Variants in SNX17 observed in about 807,000 individuals in gnomAD.
SNX17 encodes sorting nexin-17.
A neutral mutation model predicts 64.3 loss-of-function variants in SNX17; 35 were observed. The observed-to-expected ratio is 0.54, with a 90% CI of 0.42 to 0.72. SNX17 has a LOEUF of 0.72. Among genes scored for constraint, SNX17 ranks in the 30% least tolerant of loss-of-function variants. The pLI is 0.00. For missense variants in SNX17, 538 were observed against 610.0 expected (o/e 0.88, Z 1.24); for synonymous variants, 259 against 230.2 (o/e 1.13, Z -1.13).
rs4665973 is a variant in SNX17 at position 27,375,288 on chromosome 2, G to A, written c.774+135G>A. 0.12 allele frequency: 110,732 copies of A among 906,050 alleles called. 8,848 individuals are homozygous for A. The highest frequency in any genetic ancestry group is 0.35 in the Admixed American group (14,813 of 42,542). 56.1% of individuals were successfully genotyped at this position (906,050 alleles called of 1,614,324 possible). A position where few individuals can be genotyped will look rare whatever the true frequency, so the allele number is the denominator to read the frequency against. On this transcript the variant is annotated intron_variant, in intron 9 of 14. Transcript: ENST00000233575. This position sits in a 1 kb window ranked among gnomAD's most constrained non-coding sequence, Gnocchi z 4.1. The stretch of plus-strand genomic sequence containing the variant: ...CGAGTAGCTGGGACTACAGGCACCC[G>A]CCACGACGCCCGGCTAATTTTTTGT...
At chr2:27,374,496 A>G in intron 7 of SNX17, 63 bp downstream of exon 7, 1 of 1,448,038 alleles carries the variant, frequency 6.9e-7, no homozygotes, top group Non-Finnish European at 9.7e-7. Context: ...TTATTGGGCC[A>G]CATATTGAGA....
At chr2:27,373,528 C>G (rs6547589) in intron 4 of SNX17, 2 of 552,018 alleles carry the variant, frequency 3.6e-6, no homozygotes, top group African/African-American at 1.9e-5. Context: ...ATGTCCGGCT[C>G]ATTTTTGTAT....
rs1572640763 is a variant in SNX17 at position 27,375,498 on chromosome 2, T to C, written c.775-8T>C. 6.2e-7 allele frequency: 1 copy of C among 1,613,862 alleles called. No homozygotes were observed. Among genetic ancestry groups the C allele is most frequent in the Non-Finnish European group, 8.5e-7 (1 of 1,179,980 alleles). On this transcript the variant is annotated splice_polypyrimidine_tract_variant and splice_region_variant and intron_variant, in intron 9 of 14. Transcript: ENST00000233575. This position sits in a 1 kb window ranked among gnomAD's most constrained non-coding sequence, Gnocchi z 4.1. ...CTAATCTACCCCCATGTGATGACCA[T>C]TTTTCAGTTCCTGAGACTGGCCCAG...
rs1264641465 is a variant in SNX17, at chr2:27,370,824, C to G, written c.63+18C>G. On this transcript the variant is annotated intron_variant, in intron 1 of 14. Transcript: ENST00000233575. Reference sequence around the variant, plus strand: ...CCTACGTGGTGAGGAGCGGCCGGAGCCGAGCCGGGCCGGGCAGGGGCGGGG... The same window carrying G: ...CCTACGTGGTGAGGAGCGGCCGGAGGCGAGCCGGGCCGGGCAGGGGCGGGG... 4 of 1,537,460 alleles carry G rather than the reference C, an allele frequency of 2.6e-6. No individual in the cohort carries two copies. Among genetic ancestry groups the G allele is most frequent in the Non-Finnish European group, 3.5e-6 (4 of 1,144,618 alleles).
chr2:27,371,893 T>C (rs376749529), intron 2 of SNX17, among the ~76,000 whole-genome samples: 26 of 151,802 alleles, frequency 1.7e-4, no homozygotes, highest in South Asian at 1.4e-3. Flanking sequence ...TTACCTGATA[T>C]CTTTTTTTGG....
Position 27,376,298 on chromosome 2 carries a change from T to C in SNX17, c.1183-15T>C. The C allele has an allele frequency of 1.9e-6, 3 of 1,611,746 alleles. No homozygotes were observed. The highest frequency in any genetic ancestry group is 2.5e-6 in the Non-Finnish European group (3 of 1,178,316). On this transcript the variant is annotated splice_polypyrimidine_tract_variant and intron_variant, in intron 12 of 14. Coordinates refer to ENST00000233575, the MANE Select transcript of SNX17 (RefSeq NM_014748.4). ...AGTGATCCTGCCCTCACCGGCACCT[T>C]GTGTCTGTCCCCAGATGCTGCGCCG...
In SNX17 at chr2:27,376,770, T is replaced by C; in HGVS notation, c.*51T>C. On this transcript the variant is annotated 3_prime_UTR_variant, in exon 15 of 15. Coordinates refer to ENST00000233575, the MANE Select transcript of SNX17 (RefSeq NM_014748.4). ...CTACCCCAGAGGAATTTACAGAAAC[T>C]TGCCCTGTGCCTGTGTCCCCCATGC... is the stretch of plus-strand genomic sequence containing the variant. 1 of 1,506,122 alleles carries C rather than the reference T, an allele frequency of 6.6e-7. No individual in the cohort carries two copies. The highest frequency in any genetic ancestry group is 1.1e-5 in the South Asian group (1 of 87,724). 93.3% of individuals were successfully genotyped at this position (1,506,122 alleles called of 1,614,324 possible). A position where few individuals can be genotyped will look rare whatever the true frequency, so the allele number is the denominator to read the frequency against.
At position 27,374,434 on chromosome 2, in the gene SNX17, G is replaced by C; in HGVS notation, c.611+1G>C. On this transcript the variant is annotated splice_donor_variant, in intron 7 of 14. Transcript: ENST00000233575. LOFTEE classifies it high-confidence loss of function. The stretch of plus-strand genomic sequence containing the variant: ...AGTATAAGATTGTGCTAAGGAAGAG[G>C]TCAGGGCTGGGCCTGGAAGGGGAGG... 6.2e-7 allele frequency: 1 copy of C among 1,613,440 alleles called. No individual in the cohort carries two copies. The highest frequency in any genetic ancestry group is 8.5e-7 in the Non-Finnish European group (1 of 1,179,500).
Position 27,374,671 on chromosome 2 carries a change from C to T in SNX17, c.612-18C>T. On this transcript the variant is annotated intron_variant, in intron 7 of 14. Coordinates refer to ENST00000233575, the MANE Select transcript of SNX17 (RefSeq NM_014748.4). The stretch of plus-strand genomic sequence containing the variant: ...CCAGCTTAGCCCCATTACCCCTTTC[C>T]ACCCCTTGGCCTCACAGTTATTGGG... The T allele has an allele frequency of 6.2e-7, 1 of 1,613,692 alleles. No individual in the cohort carries two copies. Among genetic ancestry groups the T allele is most frequent in the Non-Finnish European group, 8.5e-7 (1 of 1,179,630 alleles).
Position 27,377,195 on chromosome 2 carries a change from G to C in SNX17, c.*476G>C. ...CATGGACTACTATGCTAAGGGTAAG[G>C]CCAAATTGCCTGCCATTGCCAATTC... On this transcript the variant is annotated 3_prime_UTR_variant, in exon 15 of 15. Coordinates refer to ENST00000233575, the MANE Select transcript of SNX17 (RefSeq NM_014748.4). This position sits in a 1 kb window ranked among gnomAD's most constrained non-coding sequence, Gnocchi z 4.4. The C allele has an allele frequency of 2.1e-6, 1 of 473,952 alleles. No individual in the cohort carries two copies. The highest frequency in any genetic ancestry group is 3.9e-6 in the Non-Finnish European group (1 of 256,758). The allele number at this position is 473,952 out of a possible 1,614,324, so 29.4% of individuals were successfully genotyped here.
At position 27,375,003 on chromosome 2, in the gene SNX17, G is replaced by C; in HGVS notation, c.682-58G>C. 4.7e-6 allele frequency: 7 copies of C among 1,494,404 alleles called. No individual in the cohort carries two copies. The Admixed American group carries it at 6.7e-5, about 14-fold the overall frequency. The allele number at this position is 1,494,404 out of a possible 1,614,324, so 92.6% of individuals were successfully genotyped here. Reference sequence around the variant, plus strand: ...AGGCTGGACAGAGGTAATGGTAGACGCTTTCCTTGGATTGCTGACTGGGAC... The same window carrying C: ...AGGCTGGACAGAGGTAATGGTAGACCCTTTCCTTGGATTGCTGACTGGGAC... On this transcript the variant is annotated intron_variant, in intron 8 of 14. Coordinates refer to ENST00000233575, the MANE Select transcript of SNX17 (RefSeq NM_014748.4). This position sits in a 1 kb window ranked among gnomAD's most constrained non-coding sequence, Gnocchi z 4.1.
intron 1 of SNX17, 58 bp downstream of exon 1, chr2:27,370,864 C>A: frequency 1.3e-6 from 2 of 1,513,024 alleles, no homozygotes; most frequent in South Asian, 2.4e-5. Flanking sequence ...CGGGCCCGAG[C>A]CATCTCGGAG....
rs2148391190 is a variant in SNX17, at chr2:27,371,620, C to T, written c.138+277C>T. 3 of 355,458 alleles carry T rather than the reference C, an allele frequency of 8.4e-6. No homozygotes were observed. The East Asian group carries it at 1.8e-4, about 21-fold the overall frequency. 22.0% of individuals were successfully genotyped at this position (355,458 alleles called of 1,614,324 possible). A position where few individuals can be genotyped will look rare whatever the true frequency, so the allele number is the denominator to read the frequency against. ...CTTTACCCCTGCATGGACAAACCAA[C>T]CCCTCCCCCCACTACCTCCACCCAG... On this transcript the variant is annotated intron_variant, in intron 2 of 14. Coordinates refer to ENST00000233575, the MANE Select transcript of SNX17 (RefSeq NM_014748.4).
chr2:27,375,152 AG>A lies in SNX17; in HGVS notation c.774+1del. ...KSLQEKVSKKEFLRLAQTLRH... is the reference protein window; with the variant it reads ...KSLQEKVSKKXFLRLAQTLRH... ...CTGCAAGAGAAAGTCTCCAAGAAGGAGGTGAGCCCTGCCTCCTCTCTGTCTT... is the reference window on the plus strand; with the variant it reads ...CTGCAAGAGAAAGTCTCCAAGAAGGAGTGAGCCCTGCCTCCTCTCTGTCTT... On this transcript the variant is annotated frameshift_variant and splice_region_variant, in exon 9 of 15. Transcript: ENST00000233575. LOFTEE classifies it high-confidence loss of function. The surrounding 1 kb of genome is among the most constrained non-coding windows in gnomAD (Gnocchi z 4.1). 6.2e-7 allele frequency: 1 copy of A among 1,614,012 alleles called. No homozygotes were observed. Among genetic ancestry groups the A allele is most frequent in the Non-Finnish European group, 8.5e-7 (1 of 1,179,928 alleles).
intron 11 of SNX17, 48 bp downstream of exon 11, chr2:27,376,019 G>A (rs1683172384): frequency 6.2e-7 from 1 of 1,613,644 alleles, no homozygotes; most frequent in East Asian, 2.2e-5. Context: ...AAAGTGTAGA[G>A]TTTCCAGTAC....
intron 6 of SNX17, 79 bp downstream of exon 6, chr2:27,374,254 C>G (rs1335619291): frequency 6.6e-7 from 1 of 1,510,776 alleles, no homozygotes; most frequent in East Asian, 2.3e-5. Flanking sequence ...CACCCCCACC[C>G]CCAGAATGAA....
intron 1 of SNX17, 83 bp downstream of exon 1, chr2:27,370,889 T>A (rs1216609458): frequency 7.0e-6 from 10 of 1,437,934 alleles, no homozygotes; most frequent in Middle Eastern, 2.5e-4. Context: ...CTCTGAGGCC[T>A]GACCGCCACC....
At position 27,377,378 on chromosome 2, in the gene SNX17, T is replaced by C. The variant is rs896730002; in HGVS notation, c.*659T>C. 2.6e-6 allele frequency: 2 copies of C among 755,970 alleles called. No individual in the cohort carries two copies. The highest frequency in any genetic ancestry group is 5.3e-5 in the East Asian group (2 of 37,576). The allele number at this position is 755,970 out of a possible 1,614,324, so 46.8% of individuals were successfully genotyped here. A position where few individuals can be genotyped will look rare whatever the true frequency, so the allele number is the denominator to read the frequency against. On this transcript the variant is annotated 3_prime_UTR_variant, in exon 15 of 15. Transcript: ENST00000233575. This position sits in a 1 kb window ranked among gnomAD's most constrained non-coding sequence, Gnocchi z 4.4. Reference sequence around the variant, plus strand: ...GGCCCTTCTCACTGAGCTCGTGAAGTGCCTCAGTCAAGGCAAGGTCCCCTG... The same window carrying C: ...GGCCCTTCTCACTGAGCTCGTGAAGCGCCTCAGTCAAGGCAAGGTCCCCTG...
Position 27,373,562 on chromosome 2 carries a change from C to T in SNX17, c.321+251C>T, listed in dbSNP as rs190734486. The T allele has an allele frequency of 2.0e-3, 1,075 of 533,286 alleles. 4 individuals carry two copies. Among genetic ancestry groups the T allele is most frequent in the African/African-American group, 0.019 (978 of 52,376 alleles). The allele number at this position is 533,286 out of a possible 1,614,324, so 33.0% of individuals were successfully genotyped here. On this transcript the variant is annotated intron_variant, in intron 4 of 14. Coordinates refer to ENST00000233575, the MANE Select transcript of SNX17 (RefSeq NM_014748.4). ...ATTTTTAGTGGAGACGGGGTTTTGC[C>T]GTGTTGGCCTGGCTGGTCTCGAACT...
Sources: gnomAD v4.1 joint callset for allele counts (sites outside exome capture counted in the v4.1 genomes callset) on GRCh38, gnomAD v4.1.1 for gene constraint, Gnocchi (gnomAD v3.1) non-coding constraint, MANE v1.5 for transcripts, NCBI Gene and HGNC (gene_info 2026-07-23, HGNC 2026-07-21) for gene names.